Variants in GNPTAB observed in about 807,000 individuals in gnomAD.
GNPTAB encodes N-acetylglucosamine-1-phosphotransferase subunits alpha/beta.
A neutral mutation model predicts 136.6 loss-of-function variants in GNPTAB; 92 were observed. That is an observed-to-expected ratio of 0.67 (90% CI 0.57 to 0.80). The LOEUF (loss-of-function observed/expected upper bound fraction) is 0.80, where lower values mean the gene tolerates loss of function less well. Ranked by LOEUF, GNPTAB falls within the 30% of genes least tolerant of loss-of-function variation. GNPTAB has a pLI of 0.00. For synonymous variants in GNPTAB, 512 were observed against 535.1 expected (o/e 0.96, Z 0.60); for missense variants, 1,343 against 1,501.8 (o/e 0.89, Z 1.75).
intron 13 of GNPTAB, 140 bp downstream of exon 13, chr12:101,764,062 A>T: frequency 9.2e-7 from 1 of 1,091,420 alleles, no homozygotes; most frequent in East Asian, 2.4e-5. Flanking sequence ...TGGGTAAATT[A>T]AATGAAACCA....
intron 10 of GNPTAB, among the ~76,000 whole-genome samples, chr12:101,769,436 G>C (rs1306904731): frequency 6.6e-6 from 1 of 152,082 alleles, no homozygotes; most frequent in Non-Finnish European, 1.5e-5. Context: ...TGCTTTTTCT[G>C]CTATCGTAGT....
intron 13 of GNPTAB, 141 bp from the exon 14 acceptor site, chr12:101,761,904 C>T: frequency 1.4e-6 from 1 of 702,350 alleles, no homozygotes. Context: ...TAACGGGTCA[C>T]TTTAAGGATC....
chr12:101,810,133 G>C (rs1387111551), intron 1 of GNPTAB, among the ~76,000 whole-genome samples: 1 of 151,992 alleles, frequency 6.6e-6, no homozygotes, highest in African/African-American at 2.4e-5. Context: ...TGTACACCCA[G>C]CTACTTGGGA....
At chr12:101,769,092 C>T (rs1260469600) in intron 10 of GNPTAB, among the ~76,000 whole-genome samples, 1 of 152,192 alleles carries the variant, frequency 6.6e-6, no homozygotes, top group African/African-American at 2.4e-5. Context: ...GTTATTAGCA[C>T]TTACAGTTGC....
chr12:101,774,104 G>A (rs1953223624), intron 7 of GNPTAB, among the ~76,000 whole-genome samples: 1 of 152,156 alleles, frequency 6.6e-6, no homozygotes, highest in African/African-American at 2.4e-5. Flanking sequence ...CCTGGTACTT[G>A]TAGGAGTATG....
chr12:101,806,803 A>G (rs1301336860), intron 1 of GNPTAB, among the ~76,000 whole-genome samples: 1 of 152,110 alleles, frequency 6.6e-6, no homozygotes, highest in Non-Finnish European at 1.5e-5. Flanking sequence ...CCAAAATAGA[A>G]AGCCCCAGAC....
At chr12:101,768,611 C>T (rs780937098) in intron 10 of GNPTAB, among the ~76,000 whole-genome samples, 1 of 152,116 alleles carries the variant, frequency 6.6e-6, no homozygotes, top group Non-Finnish European at 1.5e-5. Context: ...GAGACAATAT[C>T]CTCTCTCTTC....
chr12:101,815,367 T>C (rs1165565736), intron 1 of GNPTAB, among the ~76,000 whole-genome samples: 3 of 152,196 alleles, frequency 2.0e-5, no homozygotes, highest in Admixed American at 6.5e-5. Flanking sequence ...AATGCTAGAC[T>C]GTAAGTGATT....
intron 1 of GNPTAB, among the ~76,000 whole-genome samples, chr12:101,803,205 T>C (rs2137166830): frequency 6.6e-6 from 1 of 152,316 alleles, no homozygotes; most frequent in South Asian, 2.1e-4. Context: ...AAAGAAAAGA[T>C]AAATGTACCA....
chr12:101,768,191 A>G (rs988959843), intron 10 of GNPTAB, 31 bp from the exon 11 acceptor site: 1 of 1,611,312 alleles, frequency 6.2e-7, no homozygotes, highest in Middle Eastern at 1.7e-4. Flanking sequence ...AAATAAAATG[A>G]CTTCTGGCTT....
intron 1 of GNPTAB, among the ~76,000 whole-genome samples, chr12:101,812,297 C>A (rs143513130): frequency 5.8e-4 from 89 of 152,232 alleles, no homozygotes; most frequent in Middle Eastern, 3.4e-3. Flanking sequence ...AACTCACTCA[C>A]TAACACGAGA....
chr12:101,822,411 CAAAA>C (rs915568718), intron 1 of GNPTAB, among the ~76,000 whole-genome samples: 2 of 151,694 alleles, frequency 1.3e-5, no homozygotes, highest in Non-Finnish European at 2.9e-5. Flanking sequence ...GACTCCGTCT[CAAAA>C]AAAAGAAAGA....
chr12:101,799,722 C>A lies in GNPTAB; in HGVS notation c.118-2960G>T, dbSNP rs574056800. On this transcript the variant is annotated intron_variant, in intron 1 of 20. Transcript: ENST00000299314. ...GTCTCTGAAGTCAGGAAGTACCTTG[C>A]CAGTAAGTACTTCTATTAAAGTTCT... 2.3e-3 allele frequency among the ~76,000 whole-genome samples: 164 copies of A among 72,732 alleles called. No homozygotes were observed. The East Asian group carries it at 0.17, about 76-fold the overall frequency. 47.7% of individuals were successfully genotyped at this position (72,732 alleles called of 152,430 possible).
chr12:101,747,967 C>G (rs1240261473), intron 20 of GNPTAB, among the ~76,000 whole-genome samples: 2 of 98,550 alleles, frequency 2.0e-5, no homozygotes, highest in Non-Finnish European at 4.8e-5. Context: ...AAGACTGACA[C>G]TCCTCTTCCT....
chr12:101,810,611 G>T (rs1041405868), intron 1 of GNPTAB: 1 of 151,496 alleles, frequency 6.6e-6, no homozygotes, highest in Admixed American at 6.6e-5. Flanking sequence ...TCCAGGGGCC[G>T]AAAATACAGT....
chr12:101,789,823 G>T, intron 3 of GNPTAB, 115 bp downstream of exon 3: 1 of 1,053,890 alleles, frequency 9.5e-7, no homozygotes. Context: ...AGATCCTTTT[G>T]TAGTTCATTA....
intron 16 of GNPTAB, among the ~76,000 whole-genome samples, chr12:101,757,918 C>T (rs984557760): frequency 1.3e-5 from 2 of 152,120 alleles, no homozygotes; most frequent in East Asian, 1.9e-4. Context: ...ATGGCAAAAA[C>T]CCCAAATAAA....
intron 1 of GNPTAB, among the ~76,000 whole-genome samples, chr12:101,806,801 G>C (rs1869956868): frequency 1.3e-5 from 2 of 151,676 alleles, no homozygotes. Flanking sequence ...TTCCAAAATA[G>C]AAAGCCCCAG....
chr12:101,770,895 C>T, intron 8 of GNPTAB, 101 bp downstream of exon 8: 1 of 1,188,542 alleles, frequency 8.4e-7, no homozygotes, highest in Admixed American at 1.7e-5. Flanking sequence ...AATCAACTCA[C>T]CTCTCTGTAA....
Sources: allele counts gnomAD v4.1 joint callset (sites outside exome capture counted in the v4.1 genomes callset), GRCh38; gene constraint gnomAD v4.1.1; transcripts MANE v1.5; gene names NCBI Gene and HGNC (gene_info 2026-07-23, HGNC 2026-07-21).